The following FAAH2 variants were observed in gnomAD, a reference collection of about 807,000 sequenced individuals.
FAAH2 encodes fatty acid amide hydrolase 2.
Under a neutral mutation model 36.9 loss-of-function variants are expected in FAAH2, and 60 were observed. The observed-to-expected ratio is 1.63, with a 90% CI of 1.32 to 2.02. FAAH2 has a LOEUF of 2.02. Among genes scored for constraint, FAAH2 ranks in the 30% most tolerant of loss-of-function variants. FAAH2 has a pLI of 0.00. For synonymous variants in FAAH2, 214 were observed against 143.8 expected (o/e 1.49, Z -3.49); for missense variants, 689 against 397.5 (o/e 1.73, Z -6.23).
At chrX:57,161,291 A>G in the FAAH2 span, among the ~76,000 whole-genome samples, 62 of 111,625 alleles carry the variant, frequency 5.6e-4, no homozygotes, top group African/African-American at 1.9e-3. Flanking sequence ...TATGTGGTCA[A>G]TTTTGGAATA....
the FAAH2 span, among the ~76,000 whole-genome samples, chrX:57,256,370 C>A: frequency 9.0e-6 from 1 of 111,617 alleles, no homozygotes; most frequent in Non-Finnish European, 1.9e-5. Context: ...AGATTCAGTG[C>A]TATCCCCATC....
At chrX:57,486,558 A>C (rs1046102933) in intron 10 of FAAH2, among the ~76,000 whole-genome samples, 1 of 111,789 alleles carries the variant, frequency 8.9e-6, no homozygotes, top group African/African-American at 3.3e-5. Context: ...TGTGCTCATC[A>C]TTGTGAACCC....
chrX:57,329,259 T>C (rs2053323696), intron 3 of FAAH2, among the ~76,000 whole-genome samples: 1 of 111,813 alleles, frequency 8.9e-6, no homozygotes, highest in African/African-American at 3.3e-5. Flanking sequence ...ACAGTATGAC[T>C]GGGGGCATAG....
At chrX:57,153,417 GC>G in the FAAH2 span, among the ~76,000 whole-genome samples, 1 of 111,681 alleles carries the variant, frequency 9.0e-6, no homozygotes, top group East Asian at 2.8e-4. Flanking sequence ...ATTATTTGTT[GC>G]CTGTATACCT....
At chrX:57,135,887 A>C in the FAAH2 span, 1 of 1,210,034 alleles carries the variant, frequency 8.3e-7, no homozygotes, top group Non-Finnish European at 1.1e-6. Flanking sequence ...TGAAATACAC[A>C]GAGGGTTTGG....
chrX:57,134,392 C>T, the FAAH2 span: 2 of 111,392 alleles, frequency 1.8e-5, no homozygotes, highest in Non-Finnish European at 3.8e-5. Flanking sequence ...TCTGCAGACA[C>T]CAGCTTTGTG....
At chrX:57,486,724 A>G (rs771588530) in intron 10 of FAAH2, among the ~76,000 whole-genome samples, 11 of 111,734 alleles carry the variant, frequency 9.8e-5, no homozygotes, top group Non-Finnish European at 1.7e-4. Context: ...TTTCCCCTAC[A>G]GAAACAAGAG....
At chrX:57,282,961 C>G (rs1198071675), upstream of FAAH2, among the ~76,000 whole-genome samples, 1 of 111,859 alleles carries the variant, frequency 8.9e-6, no homozygotes, top group African/African-American at 3.3e-5. Flanking sequence ...GGGACAAGAC[C>G]TTGGCAGTGG....
intron 7 of FAAH2, among the ~76,000 whole-genome samples, chrX:57,410,683 T>C (rs2055675915): frequency 9.0e-6 from 1 of 111,574 alleles, no homozygotes; most frequent in Non-Finnish European, 1.9e-5. Flanking sequence ...TAGCCACCTC[T>C]GTTACTTTTT....
chrX:57,234,083 G>A, the FAAH2 span, among the ~76,000 whole-genome samples: 1 of 112,820 alleles, frequency 8.9e-6, no homozygotes, highest in Non-Finnish European at 1.9e-5. Context: ...AGATATTTGT[G>A]AAAAAATTTA....
the FAAH2 span, among the ~76,000 whole-genome samples, chrX:57,187,137 T>C: frequency 8.9e-6 from 1 of 111,733 alleles, no homozygotes; most frequent in African/African-American, 3.3e-5. Flanking sequence ...TGGCATTAAA[T>C]CTATAAATCA....
chrX:57,191,438 T>C, the FAAH2 span, among the ~76,000 whole-genome samples: 2 of 111,672 alleles, frequency 1.8e-5, no homozygotes, highest in East Asian at 5.6e-4. Flanking sequence ...ACTCTCAGGG[T>C]TGTCTCTTCA....
intron 5 of FAAH2, among the ~76,000 whole-genome samples, chrX:57,353,148 C>T (rs948204974): frequency 2.7e-5 from 3 of 109,307 alleles, no homozygotes; most frequent in African/African-American, 9.9e-5. Context: ...TAAAGTGTTC[C>T]TGAGCAAAAA....
intron 7 of FAAH2, among the ~76,000 whole-genome samples, chrX:57,431,262 G>A (rs1170088256): frequency 8.9e-6 from 1 of 111,754 alleles, no homozygotes; most frequent in African/African-American, 3.3e-5. Flanking sequence ...AAGCAAAGAA[G>A]GGTGGTATGG....
chrX:57,203,600 G>A, the FAAH2 span, among the ~76,000 whole-genome samples: 5 of 111,592 alleles, frequency 4.5e-5, no homozygotes, highest in Non-Finnish European at 7.5e-5. Flanking sequence ...CGCAGGAGTC[G>A]GGATCCACAT....
the FAAH2 span, chrX:57,127,062 A>G: frequency 9.0e-6 from 1 of 111,327 alleles, no homozygotes; most frequent in African/African-American, 3.3e-5. Flanking sequence ...TTATGAGGTA[A>G]CAAATTTCTT....
the FAAH2 span, among the ~76,000 whole-genome samples, chrX:57,264,299 C>G: frequency 8.9e-6 from 1 of 112,283 alleles, no homozygotes; most frequent in African/African-American, 3.2e-5. Context: ...TTCCACATAT[C>G]TGGCAAAGGA....
chrX:57,284,285 A>G (rs1301754594), upstream of FAAH2, among the ~76,000 whole-genome samples: 1 of 111,326 alleles, frequency 9.0e-6, no homozygotes, highest in Non-Finnish European at 1.9e-5. Flanking sequence ...GAGGCAGGAG[A>G]ATCACTTGAA....
intron 5 of FAAH2, among the ~76,000 whole-genome samples, chrX:57,356,016 T>C (rs1260682195): frequency 2.7e-5 from 3 of 111,443 alleles, no homozygotes; most frequent in African/African-American, 9.7e-5. Flanking sequence ...TTTCATATGA[T>C]TTTCTGCATC....
Sources: allele counts gnomAD v4.1 joint callset (sites outside exome capture counted in the v4.1 genomes callset), GRCh38; gene constraint gnomAD v4.1.1; transcripts MANE v1.5; gene names NCBI Gene and HGNC (gene_info 2026-07-23, HGNC 2026-07-21).